MARK1: variants seen among roughly 807,000 people sequenced by gnomAD.
MARK1 encodes the protein microtubule affinity regulating kinase 1.
In MARK1, 40 loss-of-function variants were observed where a neutral mutation model predicts 96.3. That is an observed-to-expected ratio of 0.42 (90% CI 0.32 to 0.54). The LOEUF (loss-of-function observed/expected upper bound fraction) is 0.54, where lower values mean the gene tolerates loss of function less well. Among genes scored for constraint, MARK1 ranks in the 20% least tolerant of loss-of-function variants. The pLI is 0.16. For synonymous variants in MARK1, 317 were observed against 341.2 expected (o/e 0.93, Z 0.78); for missense variants, 719 against 984.6 (o/e 0.73, Z 3.61).
At chr1:220,592,614 C>T (rs1339262046) in intron 3 of MARK1, among the ~76,000 whole-genome samples, 4 of 152,106 alleles carry the variant, frequency 2.6e-5, no homozygotes, top group South Asian at 2.1e-4. Flanking sequence ...AACTGCAAAG[C>T]GACAAATGTA....
chr1:220,615,256 T>G (rs1259666826), intron 6 of MARK1, among the ~76,000 whole-genome samples: 1 of 152,142 alleles, frequency 6.6e-6, no homozygotes, highest in Non-Finnish European at 1.5e-5. Flanking sequence ...AAGAGCCCTG[T>G]GTGATAGTTA....
At chr1:220,595,075 G>A (rs1366048534) in intron 3 of MARK1, among the ~76,000 whole-genome samples, 4 of 152,190 alleles carry the variant, frequency 2.6e-5, no homozygotes, top group Non-Finnish European at 5.9e-5. Flanking sequence ...GATGTTGATG[G>A]TGGGGGAGGC....
chr1:220,599,777 A>C (rs779927602), intron 4 of MARK1, 21 bp from the exon 5 acceptor site: 4 of 1,389,280 alleles, frequency 2.9e-6, no homozygotes, highest in Admixed American at 1.7e-5. Flanking sequence ...TTATAGAGTT[A>C]TATCTCTAAT....
At chr1:220,632,521 T>G (rs187870152) in intron 11 of MARK1, among the ~76,000 whole-genome samples, 1 of 152,338 alleles carries the variant, frequency 6.6e-6, no homozygotes, top group Non-Finnish European at 1.5e-5. Flanking sequence ...TCTACTGTCT[T>G]TCTTAGCTCC....
In MARK1 at chr1:220,528,499, CCG is replaced by C. The variant is rs1283277009; in HGVS notation, c.-322_-321del. The C allele has an allele frequency of 2.6e-6, 1 of 389,792 alleles. No homozygotes were observed. The highest frequency in any genetic ancestry group is 4.6e-6 in the Non-Finnish European group (1 of 217,732). The allele number at this position is 389,792 out of a possible 1,614,324, so 24.1% of individuals were successfully genotyped here. On this transcript the variant is annotated 5_prime_UTR_variant, in exon 1 of 18. Transcript: ENST00000366917. The stretch of plus-strand genomic sequence containing the variant: ...CCGGAGAGCCTAGCGGGGCTCGCCA[CCG>C]CCTCCCGGCTCCCCTTCCACGCCTC...
chr1:220,648,594 TCC>T (rs1273697742), intron 13 of MARK1, among the ~76,000 whole-genome samples: 1 of 152,126 alleles, frequency 6.6e-6, no homozygotes, highest in Non-Finnish European at 1.5e-5. Context: ...GAAGGAGAGA[TCC>T]CATTCACCAT....
intron 6 of MARK1, among the ~76,000 whole-genome samples, chr1:220,614,684 T>C (rs1483825511): frequency 2.0e-5 from 3 of 152,110 alleles, no homozygotes; most frequent in Non-Finnish European, 4.4e-5. Flanking sequence ...TTAGTATTCA[T>C]TTTTGTATTT....
At chr1:220,595,427 C>T (rs977316741) in intron 3 of MARK1, among the ~76,000 whole-genome samples, 9 of 152,110 alleles carry the variant, frequency 5.9e-5, no homozygotes, top group African/African-American at 1.4e-4. Context: ...CTCTGAGGAA[C>T]GCTTCTGAGT....
chr1:220,553,479 G>A (rs1662022072), intron 1 of MARK1, among the ~76,000 whole-genome samples: 2 of 152,222 alleles, frequency 1.3e-5, no homozygotes, highest in Admixed American at 1.3e-4. Context: ...AGACATCAAT[G>A]TAGCAGGGGA....
intron 1 of MARK1, among the ~76,000 whole-genome samples, chr1:220,545,045 AGAAG>A: frequency 6.6e-6 from 1 of 152,340 alleles, no homozygotes; most frequent in East Asian, 1.9e-4. Context: ...CACAGAGTAA[AGAAG>A]GAAGGAGAGG....
intron 3 of MARK1, among the ~76,000 whole-genome samples, chr1:220,582,367 A>G (rs78179871): frequency 0.015 from 2,355 of 152,238 alleles, 33 homozygotes; most frequent in Middle Eastern, 0.044. Flanking sequence ...CCTTTGTGTA[A>G]GTGAGAAAAA....
At chr1:220,578,408 C>T (rs189902591) in intron 1 of MARK1, among the ~76,000 whole-genome samples, 23 of 152,102 alleles carry the variant, frequency 1.5e-4, no homozygotes, top group Non-Finnish European at 2.6e-4. Context: ...TGTAGGTTAG[C>T]GTGAGACCAT....
intron 4 of MARK1, among the ~76,000 whole-genome samples, chr1:220,598,718 G>C (rs1051735150): frequency 6.6e-6 from 1 of 151,964 alleles, no homozygotes; most frequent in African/African-American, 2.4e-5. Context: ...TTCTGGCCGG[G>C]CGTGGTGGCT....
At chr1:220,538,699 A>T (rs1157349831) in intron 1 of MARK1, among the ~76,000 whole-genome samples, 10 of 152,176 alleles carry the variant, frequency 6.6e-5, no homozygotes. Flanking sequence ...CTTCCTACCC[A>T]TGAGCATGGA....
intron 1 of MARK1, among the ~76,000 whole-genome samples, chr1:220,563,038 T>C (rs548780664): frequency 1.3e-5 from 2 of 152,274 alleles, no homozygotes; most frequent in African/African-American, 2.4e-5. Flanking sequence ...GGTGCTGAAC[T>C]AAGACACAGT....
chr1:220,645,947 T>C (rs1253504562), intron 13 of MARK1, among the ~76,000 whole-genome samples: 2 of 152,066 alleles, frequency 1.3e-5, no homozygotes, highest in African/African-American at 4.8e-5. Flanking sequence ...CCACAGCCAA[T>C]ATCATACTGA....
intron 9 of MARK1, among the ~76,000 whole-genome samples, chr1:220,625,242 A>G (rs1667261904): frequency 6.6e-6 from 1 of 152,260 alleles, no homozygotes; most frequent in Non-Finnish European, 1.5e-5. Context: ...GTTTAATAAC[A>G]GTAACACTAG....
At position 220,651,971 on chromosome 1, in the gene MARK1, G is replaced by C. The variant is rs1413543628; in HGVS notation, c.1572-15G>C. The C allele has an allele frequency of 1.3e-6, 2 of 1,548,752 alleles. No individual in the cohort carries two copies. Among genetic ancestry groups the C allele is most frequent in the South Asian group, 2.4e-5 (2 of 83,052 alleles). ...CTTTTTTTCCATGGTCTTCTCAACTGCTTTATGGTGAAAGCCTTACGGAGA... is the reference window on the plus strand; with the variant it reads ...CTTTTTTTCCATGGTCTTCTCAACTCCTTTATGGTGAAAGCCTTACGGAGA... On this transcript the variant is annotated splice_polypyrimidine_tract_variant and intron_variant, in intron 14 of 17. Coordinates refer to ENST00000366917, the MANE Select transcript of MARK1 (RefSeq NM_018650.5).
chr1:220,598,601 T>G (rs1243561649), intron 4 of MARK1, among the ~76,000 whole-genome samples: 1 of 151,808 alleles, frequency 6.6e-6, no homozygotes, highest in Non-Finnish European at 1.5e-5. Flanking sequence ...TCTGCTACCT[T>G]GCTATCTTCT....
Sources: allele counts gnomAD v4.1 joint callset (sites outside exome capture counted in the v4.1 genomes callset), GRCh38; gene constraint gnomAD v4.1.1; transcripts MANE v1.5; gene names NCBI Gene and HGNC (gene_info 2026-07-23, HGNC 2026-07-21).